The following ZFYVE16 variants were observed in gnomAD, a reference collection of about 807,000 sequenced individuals.
The protein encoded by ZFYVE16 is zinc finger FYVE domain-containing protein 16.
ZFYVE16 carries 89 observed loss-of-function variants against 138.1 expected under a neutral mutation model. That is an observed-to-expected ratio of 0.64 (90% CI 0.54 to 0.77). ZFYVE16 has a LOEUF of 0.77. Ranked by LOEUF, ZFYVE16 falls within the 30% of genes least tolerant of loss-of-function variation. The pLI is 0.00. For synonymous variants in ZFYVE16, 596 were observed against 618.3 expected (o/e 0.96, Z 0.53); for missense variants, 1,793 against 1,786.7 (o/e 1.00, Z -0.06).
Position 80,477,319 on chromosome 5 carries a change from A to C in ZFYVE16, c.4562A>C (p.Asn1521Thr). The part of the protein sequence containing the change: ...LIPVIHGGTS[N>T]SSLPLEIELV... ...CCTGTGATCCATGGTGGGACCTCCA[A>C]CTCTAGTTTACCATTAGAAATAGAA... is the stretch of plus-strand genomic sequence containing the variant. The change falls in exon 19 of 19, where the codon AAC becomes ACC. Residue 1521 changes from asparagine to threonine, a missense_variant. Asn to Thr is a moderately conservative substitution (Grantham distance 65). Transcript: ENST00000505560. The C allele has an allele frequency of 1.2e-6, 2 of 1,609,384 alleles. No individual in the cohort carries two copies. The highest frequency in any genetic ancestry group is 1.7e-6 in the Non-Finnish European group (2 of 1,178,372).
chr5:80,468,086 C>T (rs1305997126), intron 15 of ZFYVE16, among the ~76,000 whole-genome samples: 1 of 152,160 alleles, frequency 6.6e-6, no homozygotes, highest in Admixed American at 6.5e-5. Flanking sequence ...TCAGTAGTGC[C>T]ATGGCCAGTG....
Position 80,434,323 on chromosome 5 carries a change from C to T in ZFYVE16, c.70+106C>T, listed in dbSNP as rs1749557161. 3 of 1,118,182 alleles carry T rather than the reference C, an allele frequency of 2.7e-6. No homozygotes were observed. The South Asian group carries it at 4.3e-5, about 16-fold the overall frequency. 69.3% of individuals were successfully genotyped at this position (1,118,182 alleles called of 1,614,324 possible). On this transcript the variant is annotated intron_variant, in intron 3 of 18. Transcript: ENST00000505560. Reference sequence around the variant, plus strand: ...AGCAAAATTTTCTTTCAATTTTGGTCACGTTATCTTCTGCAAAAAGTTCAT... The same window carrying T: ...AGCAAAATTTTCTTTCAATTTTGGTTACGTTATCTTCTGCAAAAAGTTCAT...
intron 1 of ZFYVE16, among the ~76,000 whole-genome samples, chr5:80,415,004 C>T (rs1387214743): frequency 1.3e-5 from 2 of 152,096 alleles, no homozygotes; most frequent in African/African-American, 2.4e-5. Context: ...AGACCATATC[C>T]GTGGTTTATT....
At chr5:80,428,031 C>G (rs1009795684) in intron 2 of ZFYVE16, among the ~76,000 whole-genome samples, 1 of 146,630 alleles carries the variant, frequency 6.8e-6, no homozygotes, top group Non-Finnish European at 1.5e-5. Context: ...AGGAACAGCT[C>G]CAGTCTACAG....
chr5:80,456,505 G>A lies in ZFYVE16; in HGVS notation c.3735G>A (p.Leu1245=), dbSNP rs1272801645. The change falls in exon 13 of 19, where the codon CTG becomes CTA. Residue 1245 remains leucine, a synonymous_variant. Transcript: ENST00000505560. ...ATACCTTGCATAATATAGATCAACT[G>A]TTGATTCATATGGAAATGGGAAAAA... ...YQYTLHNIDQ[L]LIHMEMGKSC... is the part of the protein sequence containing the mutation. 2 of 1,613,166 alleles carry A rather than the reference G, an allele frequency of 1.2e-6. No individual in the cohort carries two copies. The highest frequency in any genetic ancestry group is 1.1e-5 in the South Asian group (1 of 91,044).
At chr5:80,444,123 C>G (rs959875606) in intron 6 of ZFYVE16, among the ~76,000 whole-genome samples, 2 of 152,088 alleles carry the variant, frequency 1.3e-5, no homozygotes, top group South Asian at 4.1e-4. Flanking sequence ...AGAAAAGAAT[C>G]ATAAGTATCA....
intron 12 of ZFYVE16, 136 bp downstream of exon 12, chr5:80,455,910 C>G: frequency 1.3e-6 from 1 of 778,710 alleles, no homozygotes; most frequent in Non-Finnish European, 1.9e-6. Context: ...ACAATAAATC[C>G]TAATTATTTT....
At chr5:80,470,087 G>GTGTGTGTGTA (rs1754174829) in intron 15 of ZFYVE16, among the ~76,000 whole-genome samples, 1 of 71,328 alleles carries the variant, frequency 1.4e-5, no homozygotes, top group Non-Finnish European at 3.2e-5. Context: ...GTGTGTGTGT[G>GTGTGTGTGTA]TGTGTGTGTG....
At chr5:80,412,036 C>T (rs991646680) in intron 1 of ZFYVE16, among the ~76,000 whole-genome samples, 1 of 152,132 alleles carries the variant, frequency 6.6e-6, no homozygotes, top group Non-Finnish European at 1.5e-5. Flanking sequence ...CAAGCTAATC[C>T]TCCCACCTCA....
In ZFYVE16 at chr5:80,459,044, C is replaced by G. The variant is rs149092010; in HGVS notation, c.3944-370C>G. ...CTCCTGAGTTCCAGCAATTCTGCCT[C>G]AGCCTCCTGAGTGGCCAGGATTATA... On this transcript the variant is annotated intron_variant, in intron 14 of 18. Transcript: ENST00000505560. Among the ~76,000 whole-genome samples the G allele has an allele frequency of 9.8e-5, 15 of 152,330 alleles. No homozygotes were observed. In the East Asian group the frequency reaches 2.9e-3, roughly 29 times the overall value.
In ZFYVE16 at chr5:80,437,034, T is replaced by A. The variant is rs778604709; in HGVS notation, c.349T>A (p.Leu117Ile). Reference sequence around the variant, plus strand: ...TGGTACTTCAGATGAAATCCAGCCGTTATATATGGGACGATGTAGTAAACC... The same window carrying A: ...TGGTACTTCAGATGAAATCCAGCCGATATATATGGGACGATGTAGTAAACC... ...DGGTSDEIQP[L>I]YMGRCSKPIC... The change falls in exon 4 of 19, where the codon TTA becomes ATA. Residue 117 changes from leucine (L) to isoleucine (I), a missense_variant. Physicochemically the swap from Leu to Ile is conservative, Grantham distance 5 (BLOSUM62 2). Around this residue, in one of 2 missense-constraint regions of ZFYVE16, gnomAD observed 1,295 missense variants for 1,204.3 expected, o/e 1.08. Coordinates refer to ENST00000505560, the MANE Select transcript of ZFYVE16 (RefSeq NM_001284236.3). 1.9e-6 allele frequency: 3 copies of A among 1,614,170 alleles called. No homozygotes were observed. The East Asian group carries it at 6.7e-5, about 36-fold the overall frequency.
At chr5:80,435,816 C>T (rs182337019) in intron 3 of ZFYVE16, 190 of 350,430 alleles carry the variant, frequency 5.4e-4, no homozygotes, top group Non-Finnish European at 8.1e-4. Flanking sequence ...CTCAAGTTAT[C>T]CTCCGACCGT....
At chr5:80,440,269 T>A in intron 5 of ZFYVE16, 1 of 1,147,226 alleles carries the variant, frequency 8.7e-7, no homozygotes, top group Non-Finnish European at 1.1e-6. Flanking sequence ...CATTAACTTT[T>A]AACAGGTACC....
In ZFYVE16 at chr5:80,445,220, A is replaced by G. The variant is rs1354198505; in HGVS notation, c.2582-43A>G. On this transcript the variant is annotated intron_variant, in intron 6 of 18. Coordinates refer to ENST00000505560, the MANE Select transcript of ZFYVE16 (RefSeq NM_001284236.3). ...ATCTTTTTGGCATTAAATCATTGCCATATTACCAGATTCAAATGTTTTACT... is the reference window on the plus strand; with the variant it reads ...ATCTTTTTGGCATTAAATCATTGCCGTATTACCAGATTCAAATGTTTTACT... 3 of 1,595,906 alleles carry G rather than the reference A, an allele frequency of 1.9e-6. No homozygotes were observed. In the Admixed American group the frequency reaches 5.3e-5, roughly 28 times the overall value.
intron 1 of ZFYVE16, among the ~76,000 whole-genome samples, chr5:80,419,101 A>G (rs1180298816): frequency 7.0e-6 from 1 of 143,428 alleles, no homozygotes; most frequent in Non-Finnish European, 1.5e-5. Context: ...TTTTTTATGC[A>G]GGGTCTCACT....
intron 15 of ZFYVE16, among the ~76,000 whole-genome samples, chr5:80,471,202 CT>C (rs760728226): frequency 2.0e-5 from 3 of 152,096 alleles, no homozygotes; most frequent in Non-Finnish European, 4.4e-5. Flanking sequence ...TTTTAGGCCT[CT>C]TTAGGGTTAA....
chr5:80,413,027 T>G (rs1278398053), intron 1 of ZFYVE16, among the ~76,000 whole-genome samples: 1 of 151,182 alleles, frequency 6.6e-6, no homozygotes, highest in East Asian at 2.0e-4. Flanking sequence ...ATAAACAAAA[T>G]TAGCTGGGTT....
At chr5:80,456,292 T>C (rs984706689) in intron 12 of ZFYVE16, 169 bp from the exon 13 acceptor site, 2 of 513,124 alleles carry the variant, frequency 3.9e-6, no homozygotes, top group Non-Finnish European at 6.9e-6. Flanking sequence ...GAAGACCTTT[T>C]CTATTTTGGA....
In ZFYVE16 at chr5:80,450,423, C is replaced by A. The variant is rs1751861087; in HGVS notation, c.3227-8C>A. On this transcript the variant is annotated splice_polypyrimidine_tract_variant and splice_region_variant and intron_variant, in intron 9 of 18. Transcript: ENST00000505560. ...GACATTAATAGTTATATTCTTTTAT[C>A]ATCTAAGATTCCTCAGACAAATATT... The A allele has an allele frequency of 1.2e-6, 2 of 1,610,980 alleles. No homozygotes were observed. The highest frequency in any genetic ancestry group is 1.7e-6 in the Non-Finnish European group (2 of 1,178,098).
Sources: allele counts gnomAD v4.1 joint callset (sites outside exome capture counted in the v4.1 genomes callset), GRCh38; gene constraint gnomAD v4.1.1; regional missense constraint gnomAD v4.1.1; transcripts MANE v1.5; gene names NCBI Gene and HGNC (gene_info 2026-07-23, HGNC 2026-07-21).